KHDRBS2: variants seen among roughly 807,000 people sequenced by gnomAD.
The protein encoded by KHDRBS2 is KH RNA binding domain containing, signal transduction associated 2.
KHDRBS2 carries 26 observed loss-of-function variants against 44.3 expected under a neutral mutation model. That is an observed-to-expected ratio of 0.59 (90% CI 0.43 to 0.81). KHDRBS2 has a LOEUF of 0.81. Among genes scored for constraint, KHDRBS2 ranks in the 40% least tolerant of loss-of-function variants. The pLI, the probability that KHDRBS2 is intolerant of heterozygous loss-of-function variation, is 0.00. For missense variants in KHDRBS2, 476 were observed against 433.1 expected (o/e 1.10, Z -0.88); for synonymous variants, 194 against 151.1 (o/e 1.28, Z -2.08).
At chr6:62,012,021 T>A (rs1417194611) in intron 3 of KHDRBS2, among the ~76,000 whole-genome samples, 1 of 152,128 alleles carries the variant, frequency 6.6e-6, no homozygotes, top group Non-Finnish European at 1.5e-5. Context: ...AAAAATGACA[T>A]CTTACAAATG....
chr6:61,974,520 A>G (rs116462953), intron 4 of KHDRBS2, among the ~76,000 whole-genome samples: 131 of 152,294 alleles, frequency 8.6e-4, no homozygotes, highest in African/African-American at 3.0e-3. Context: ...TTTAAGATAA[A>G]TAATCAAATA....
intron 2 of KHDRBS2, among the ~76,000 whole-genome samples, chr6:62,056,031 T>C (rs1272975111): frequency 6.6e-6 from 1 of 152,008 alleles, no homozygotes; most frequent in Admixed American, 6.6e-5. Context: ...CCCTGTGCTC[T>C]GAGGCTTTAG....
intron 4 of KHDRBS2, among the ~76,000 whole-genome samples, chr6:61,955,146 A>G (rs1220922446): frequency 1.4e-5 from 2 of 144,410 alleles, no homozygotes; most frequent in African/African-American, 5.0e-5. Flanking sequence ...ATATACACAT[A>G]CGTGTGTATG....
intron 1 of KHDRBS2, among the ~76,000 whole-genome samples, chr6:62,196,866 T>C (rs1380650514): frequency 6.6e-6 from 1 of 152,036 alleles, no homozygotes; most frequent in Admixed American, 6.6e-5. Flanking sequence ...ATGAAACTCC[T>C]TGCCTTATGG....
the KHDRBS2 span, among the ~76,000 whole-genome samples, chr6:61,674,253 T>C: frequency 3.3e-5 from 5 of 151,894 alleles, no homozygotes; most frequent in Non-Finnish European, 2.9e-5. Flanking sequence ...TTAAGATGTT[T>C]TGTCATATCA....
chr6:61,971,350 T>C (rs754376678), intron 4 of KHDRBS2, among the ~76,000 whole-genome samples: 2 of 152,106 alleles, frequency 1.3e-5, no homozygotes, highest in African/African-American at 2.4e-5. Context: ...ACATTTTTCA[T>C]TGTAGCTTGC....
At chr6:61,639,131 G>T in the KHDRBS2 span, among the ~76,000 whole-genome samples, 1 of 152,066 alleles carries the variant, frequency 6.6e-6, no homozygotes, top group Non-Finnish European at 1.5e-5. Flanking sequence ...GAAATGAGCT[G>T]ATGCATTTTG....
At chr6:61,818,682 A>G (rs935880923) in intron 6 of KHDRBS2, among the ~76,000 whole-genome samples, 17 of 152,010 alleles carry the variant, frequency 1.1e-4, no homozygotes, top group Non-Finnish European at 2.1e-4. Flanking sequence ...GGTGAAATTA[A>G]TATTTCATTA....
At chr6:62,101,779 T>A (rs1801957916) in intron 2 of KHDRBS2, among the ~76,000 whole-genome samples, 4 of 152,240 alleles carry the variant, frequency 2.6e-5, no homozygotes, top group Admixed American at 2.6e-4. Flanking sequence ...TTTTTGTATA[T>A]GAACATTTAT....
intron 4 of KHDRBS2, among the ~76,000 whole-genome samples, chr6:61,936,982 T>G (rs564307970): frequency 2.0e-5 from 3 of 152,060 alleles, no homozygotes; most frequent in Non-Finnish European, 2.9e-5. Flanking sequence ...GTTTATAGTT[T>G]TGAAATTTTT....
chr6:61,835,508 A>G (rs1222384224), intron 6 of KHDRBS2, among the ~76,000 whole-genome samples: 1 of 151,996 alleles, frequency 6.6e-6, no homozygotes, highest in Non-Finnish European at 1.5e-5. Context: ...ATCTACTGAG[A>G]TAATGGATAT....
chr6:61,924,895 A>G (rs1311394434), intron 4 of KHDRBS2, among the ~76,000 whole-genome samples: 3 of 152,146 alleles, frequency 2.0e-5, no homozygotes, highest in African/African-American at 4.8e-5. Context: ...CATAGTTAAG[A>G]GAGCCCACTC....
intron 3 of KHDRBS2, among the ~76,000 whole-genome samples, chr6:62,019,243 G>A (rs559906746): frequency 3.3e-5 from 5 of 152,110 alleles, no homozygotes; most frequent in Non-Finnish European, 5.9e-5. Flanking sequence ...TAAGTATAAT[G>A]TTAACTGCAG....
intron 6 of KHDRBS2, among the ~76,000 whole-genome samples, chr6:61,737,730 C>G (rs1437043121): frequency 1.3e-5 from 2 of 152,030 alleles, no homozygotes; most frequent in South Asian, 4.1e-4. Context: ...CGGCTTTATT[C>G]TGTCTGCATT....
intron 6 of KHDRBS2, among the ~76,000 whole-genome samples, chr6:61,770,344 T>A (rs577045023): frequency 5.3e-5 from 8 of 152,260 alleles, no homozygotes; most frequent in Admixed American, 3.9e-4. Flanking sequence ...GGGAATGACT[T>A]TGCCGAGTTG....
intron 2 of KHDRBS2, among the ~76,000 whole-genome samples, chr6:62,172,282 CTACTCTAA>C (rs1306670732): frequency 2.0e-5 from 3 of 152,014 alleles, no homozygotes; most frequent in Non-Finnish European, 4.4e-5. Flanking sequence ...TCAGGGGTTG[CTACTCTAA>C]TTTCAGACAA....
At position 62,277,313 on chromosome 6, in the gene KHDRBS2, G is replaced by GT. The variant is rs548631978; in HGVS notation, c.91+8544dup. ...TTATTAATAGCACATATCATATGCA[G>GT]TTTTTTGGGTTTTTCTGTTGTTTTT... On this transcript the variant is annotated intron_variant, in intron 1 of 8. Coordinates refer to ENST00000281156, the MANE Select transcript of KHDRBS2 (RefSeq NM_152688.4). Among the ~76,000 whole-genome samples the GT allele has an allele frequency of 2.1e-3, 317 of 151,976 alleles. 10 individuals are homozygous for GT. The South Asian group carries it at 0.061, about 29-fold the overall frequency.
In KHDRBS2 at chr6:62,109,347, T is replaced by G. The variant is rs1397847065; in HGVS notation, c.220-61353A>C. Among the ~76,000 whole-genome samples the G allele has an allele frequency of 2.0e-5, 3 of 152,008 alleles. No homozygotes were observed. In the East Asian group the frequency reaches 5.8e-4, roughly 29 times the overall value. On this transcript the variant is annotated intron_variant, in intron 2 of 8. Coordinates refer to ENST00000281156, the MANE Select transcript of KHDRBS2 (RefSeq NM_152688.4). ...CAATCTAGAAAAAATGAAAATTCCT[T>G]ATTTTTTTCAAGAGCATCTTCAAAA...
chr6:61,944,312 C>A (rs889525662), intron 4 of KHDRBS2, among the ~76,000 whole-genome samples: 1 of 152,066 alleles, frequency 6.6e-6, no homozygotes, highest in Non-Finnish European at 1.5e-5. Flanking sequence ...CAATGGAATA[C>A]TATTAGTCCA....
Sources: gnomAD v4.1 joint callset for allele counts (sites outside exome capture counted in the v4.1 genomes callset) on GRCh38, gnomAD v4.1.1 for gene constraint, MANE v1.5 for transcripts, NCBI Gene and HGNC (gene_info 2026-07-23, HGNC 2026-07-21) for gene names.